SNTG1: variants seen among roughly 807,000 people sequenced by gnomAD.
The protein encoded by SNTG1 is gamma-1-syntrophin.
In SNTG1, 39 loss-of-function variants were observed where a neutral mutation model predicts 74.7. That is an observed-to-expected ratio of 0.52 (90% CI 0.40 to 0.68). The LOEUF (loss-of-function observed/expected upper bound fraction) is 0.68, where lower values mean the gene tolerates loss of function less well. Ranked by LOEUF, SNTG1 falls within the 30% of genes least tolerant of loss-of-function variation. The pLI is 0.00. For synonymous variants in SNTG1, 254 were observed against 217.1 expected (o/e 1.17, Z -1.49); for missense variants, 685 against 609.5 (o/e 1.12, Z -1.30).
At chr8:50,597,941 T>G (rs555694382) in intron 13 of SNTG1, among the ~76,000 whole-genome samples, 1 of 152,006 alleles carries the variant, frequency 6.6e-6, no homozygotes, top group East Asian at 1.9e-4. Context: ...TTTTTGAGCT[T>G]CTTATATATT....
chr8:50,112,264 G>A (rs2080622664), intron 1 of SNTG1, among the ~76,000 whole-genome samples: 1 of 151,858 alleles, frequency 6.6e-6, no homozygotes, highest in African/African-American at 2.4e-5. Flanking sequence ...CATACCAAAA[G>A]AATAATGTAG....
chr8:50,038,437 C>G (rs1431889539), intron 1 of SNTG1, among the ~76,000 whole-genome samples: 1 of 152,124 alleles, frequency 6.6e-6, no homozygotes, highest in Non-Finnish European at 1.5e-5. Flanking sequence ...TCTATCACTC[C>G]TCTCTCCAAC....
intron 8 of SNTG1, among the ~76,000 whole-genome samples, chr8:50,452,221 C>T (rs887930798): frequency 3.3e-5 from 5 of 152,248 alleles, no homozygotes; most frequent in Admixed American, 2.0e-4. Context: ...ATGCTCTTGC[C>T]ACTCTGTGCT....
intron 13 of SNTG1, among the ~76,000 whole-genome samples, chr8:50,653,723 T>C (rs545512934): frequency 6.6e-6 from 1 of 152,326 alleles, no homozygotes; most frequent in South Asian, 2.1e-4. Flanking sequence ...AAGTTTTTAC[T>C]TTACAACAGT....
intron 1 of SNTG1, among the ~76,000 whole-genome samples, chr8:50,117,556 G>T (rs2080864822): frequency 6.6e-6 from 1 of 152,128 alleles, no homozygotes; most frequent in Non-Finnish European, 1.5e-5. Context: ...GAGGAGGAAG[G>T]TAGGGCATGG....
chr8:49,944,033 T>C (rs114434290), intron 1 of SNTG1, among the ~76,000 whole-genome samples: 1,776 of 152,324 alleles, frequency 0.012, 36 homozygotes, highest in African/African-American at 0.04. Flanking sequence ...ATATTATCAC[T>C]GAAGTATTTG....
chr8:50,242,353 A>C, intron 2 of SNTG1, among the ~76,000 whole-genome samples: 1 of 151,592 alleles, frequency 6.6e-6, no homozygotes, highest in Admixed American at 6.6e-5. Flanking sequence ...ACATGGCGAA[A>C]CCCCATCTCT....
At chr8:50,358,434 G>T (rs1022934808) in intron 2 of SNTG1, among the ~76,000 whole-genome samples, 5 of 152,170 alleles carry the variant, frequency 3.3e-5, no homozygotes, top group Non-Finnish European at 7.3e-5. Flanking sequence ...GAACCAGTTT[G>T]ATATTTGGCC....
chr8:50,334,148 C>A (rs1563911502), intron 2 of SNTG1, among the ~76,000 whole-genome samples: 1 of 152,150 alleles, frequency 6.6e-6, no homozygotes, highest in Non-Finnish European at 1.5e-5. Context: ...CTGCCCTCCT[C>A]GGCCTCCCAA....
chr8:50,250,962 C>T (rs1184199447), intron 2 of SNTG1, among the ~76,000 whole-genome samples: 1 of 150,072 alleles, frequency 6.7e-6, no homozygotes, highest in African/African-American at 2.4e-5. Flanking sequence ...CTATGAAATT[C>T]TTCAATATTA....
chr8:49,974,594 T>TA (rs1437289146), intron 1 of SNTG1, among the ~76,000 whole-genome samples: 1 of 152,166 alleles, frequency 6.6e-6, no homozygotes, highest in Non-Finnish European at 1.5e-5. Flanking sequence ...TGGAAGAACA[T>TA]AGTCCTCACG....
chr8:50,375,483 G>T (rs868713884), intron 2 of SNTG1, among the ~76,000 whole-genome samples: 3 of 152,224 alleles, frequency 2.0e-5, no homozygotes, highest in South Asian at 2.1e-4. Flanking sequence ...TGTGGGAGGG[G>T]TGCTGAGCAA....
At chr8:50,403,754 A>G (rs1182777162) in intron 4 of SNTG1, among the ~76,000 whole-genome samples, 1 of 152,216 alleles carries the variant, frequency 6.6e-6, no homozygotes, top group Non-Finnish European at 1.5e-5. Context: ...AGCATTTGAC[A>G]AAATTCAACA....
rs1185162459 is a variant in SNTG1, at chr8:50,536,798, G to A, written c.670G>A (p.Asp224Asn). The A allele has an allele frequency of 6.2e-6, 10 of 1,613,812 alleles. No homozygotes were observed. Among genetic ancestry groups the A allele is most frequent in the Non-Finnish European group, 6.8e-6 (8 of 1,179,822 alleles). Residue 224 changes from aspartate to asparagine, a missense_variant, in exon 11 of 19, where the codon GAT becomes AAT. Transcript: ENST00000642720. ...SRFSQYVPGT[D>N]LSRQNAFQVI... The stretch of plus-strand genomic sequence containing the variant: ...CTTCTCTCAGTATGTGCCCGGCACA[G>A]ATTTGAGTCGGTGAGTCCGTGTTTA...
chr8:50,723,773 G>T (rs2095493267), intron 17 of SNTG1, among the ~76,000 whole-genome samples: 1 of 150,370 alleles, frequency 6.7e-6, no homozygotes, highest in Admixed American at 6.6e-5. Context: ...GGGATTCATG[G>T]CAATGAGGCC....
intron 16 of SNTG1, among the ~76,000 whole-genome samples, chr8:50,705,201 A>G (rs1361475536): frequency 6.6e-6 from 1 of 152,188 alleles, no homozygotes; most frequent in Non-Finnish European, 1.5e-5. Flanking sequence ...AGGTCATATC[A>G]TCCAGGAACA....
chr8:50,771,307 A>G (rs2095626553), intron 18 of SNTG1, among the ~76,000 whole-genome samples: 1 of 152,246 alleles, frequency 6.6e-6, no homozygotes, highest in South Asian at 2.1e-4. Context: ...AAACAGTGGA[A>G]GATATGCCTA....
At chr8:50,384,579 A>G (rs964525919) in intron 2 of SNTG1, among the ~76,000 whole-genome samples, 1 of 152,154 alleles carries the variant, frequency 6.6e-6, no homozygotes, top group Non-Finnish European at 1.5e-5. Context: ...GTGTTGGTCT[A>G]TGCTGCTGAC....
At chr8:50,411,921 GGGCAGCAGTCCCCA>G (rs2092954380) in intron 4 of SNTG1, among the ~76,000 whole-genome samples, 1 of 152,092 alleles carries the variant, frequency 6.6e-6, no homozygotes, top group Admixed American at 6.6e-5. Flanking sequence ...TCCATAGTCT[GGGCAGCAGTCCCCA>G]GGGACTACTG....
Sources: allele counts gnomAD v4.1 joint callset (sites outside exome capture counted in the v4.1 genomes callset), GRCh38; gene constraint gnomAD v4.1.1; transcripts MANE v1.5; gene names NCBI Gene and HGNC (gene_info 2026-07-23, HGNC 2026-07-21).